Variants in GSDMC observed in about 807,000 individuals in gnomAD.
The protein encoded by GSDMC is gasdermin-C.
GSDMC carries 59 observed loss-of-function variants against 58.0 expected under a neutral mutation model. The observed-to-expected ratio is 1.02, with a 90% CI of 0.82 to 1.26. The LOEUF is 1.26. GSDMC is among the 50% of genes most tolerant of loss of function. The probability of loss-of-function intolerance (pLI) is 0.00; values close to 1 mark genes in which losing one functional copy is unlikely to be tolerated. For synonymous variants in GSDMC, 241 were observed against 220.2 expected (o/e 1.09, Z -0.83); for missense variants, 659 against 598.5 (o/e 1.10, Z -1.06).
chr8:129,728,069 C>T, the GSDMC span, among the ~76,000 whole-genome samples: 3,783 of 152,150 alleles, frequency 0.025, 64 homozygotes, highest in Middle Eastern at 0.14. Context: ...GCCTAAGCTG[C>T]CCCATCCATC....
Position 129,779,994 on chromosome 8 carries a change from C to T in GSDMC, c.-4-2403G>A, listed in dbSNP as rs375341749. ...AAATACATTGACCTACAGAAGAATG[C>T]ATCAGCATCTCTTAATAACAGAATT... On this transcript the variant is annotated intron_variant, in intron 1 of 13. Transcript: ENST00000276708. Among the ~76,000 whole-genome samples the T allele has an allele frequency of 2.8e-4, 42 of 152,216 alleles. No homozygotes were observed. In the East Asian group the frequency reaches 7.9e-3, roughly 29 times the overall value.
the GSDMC span, among the ~76,000 whole-genome samples, chr8:129,716,602 C>G: frequency 2.6e-5 from 4 of 152,070 alleles, no homozygotes; most frequent in Non-Finnish European, 5.9e-5. Flanking sequence ...ATTTAAATAC[C>G]CTTTATTTCT....
At chr8:129,707,419 C>T in the GSDMC span, among the ~76,000 whole-genome samples, 4,485 of 152,084 alleles carry the variant, frequency 0.029, 72 homozygotes, top group Middle Eastern at 0.15. Context: ...TTCAGTTAGG[C>T]ATGGTGAGGG....
chr8:129,773,305 C>G (rs774093628), intron 3 of GSDMC, among the ~76,000 whole-genome samples: 1 of 151,854 alleles, frequency 6.6e-6, no homozygotes, highest in Non-Finnish European at 1.5e-5. Flanking sequence ...ATAAAAGGAG[C>G]CTAATAGGAA....
At chr8:129,730,024 G>A in the GSDMC span, 3 of 1,332,116 alleles carry the variant, frequency 2.3e-6, no homozygotes, top group South Asian at 3.9e-5. Context: ...AGAAGAAAAA[G>A]GATGAGAAGG....
chr8:129,712,066 G>T, the GSDMC span, among the ~76,000 whole-genome samples: 3,454 of 152,160 alleles, frequency 0.023, 138 homozygotes, highest in African/African-American at 0.077. Flanking sequence ...AGGCCTGCCT[G>T]GGCACCATAG....
At chr8:129,771,633 A>C (rs949239789) in intron 3 of GSDMC, among the ~76,000 whole-genome samples, 2 of 152,154 alleles carry the variant, frequency 1.3e-5, no homozygotes, top group African/African-American at 4.8e-5. Flanking sequence ...ACAACATATC[A>C]AAACTTATGG....
At chr8:129,762,350 C>G (rs1439193411) in intron 5 of GSDMC, among the ~76,000 whole-genome samples, 4 of 152,122 alleles carry the variant, frequency 2.6e-5, no homozygotes, top group African/African-American at 9.7e-5. Context: ...TTGCCCAGAG[C>G]TAACAACACT....
At chr8:129,745,909 A>G (rs1414153782), downstream of GSDMC, among the ~76,000 whole-genome samples, 1 of 119,534 alleles carries the variant, frequency 8.4e-6, no homozygotes, top group Admixed American at 8.6e-5. Flanking sequence ...TCTACATGCC[A>G]TGACCTTAAG....
rs1452758944 is a variant in GSDMC at position 129,765,700 on chromosome 8, G to T, written c.498C>A (p.Asn166Lys). ...YVVTEAVELI[N>K]NTVLYDSSSV... The stretch of plus-strand genomic sequence containing the variant: ...TACTGCTATCGTACAGCACAGTATT[G>T]TTGATCAGTTCAACAGCCTCTGTCA... The change falls in exon 4 of 14, where the codon AAC (asparagine) becomes AAA (lysine). Residue 166 changes from asparagine (N) to lysine (K), a missense_variant. Physicochemically the swap from Asn to Lys is moderately conservative, Grantham distance 94. Transcript: ENST00000276708. The T allele has an allele frequency of 6.2e-7, 1 of 1,612,450 alleles. No individual in the cohort carries two copies. Among genetic ancestry groups the T allele is most frequent in the Non-Finnish European group, 8.5e-7 (1 of 1,178,482 alleles).
chr8:129,783,935 C>G (rs2034486335), intron 1 of GSDMC, among the ~76,000 whole-genome samples: 1 of 152,088 alleles, frequency 6.6e-6, no homozygotes, highest in African/African-American at 2.4e-5. Context: ...AGAAACAAAT[C>G]CATATACCTA....
intron 1 of GSDMC, among the ~76,000 whole-genome samples, chr8:129,778,275 G>A (rs1305581210): frequency 6.6e-6 from 1 of 152,150 alleles, no homozygotes; most frequent in African/African-American, 2.4e-5. Flanking sequence ...TGGAATATGT[G>A]AGGTGGAAAG....
rs1258390836 is a variant in GSDMC, at chr8:129,752,971, C to T, written c.722-151G>A. On this transcript the variant is annotated intron_variant, in intron 6 of 13. Transcript: ENST00000276708. The stretch of plus-strand genomic sequence containing the variant: ...CAAGACCCACTCAAAGAGGAATTGC[C>T]CATTCCTTCTTTCAGAACTCAAGTT... The T allele has an allele frequency of 6.7e-6, 9 of 1,347,144 alleles. No individual in the cohort carries two copies. In the South Asian group the frequency reaches 7.5e-5, roughly 11 times the overall value. 83.4% of individuals were successfully genotyped at this position (1,347,144 alleles called of 1,614,324 possible). A position where few individuals can be genotyped will look rare whatever the true frequency, so the allele number is the denominator to read the frequency against.
intron 1 of GSDMC, among the ~76,000 whole-genome samples, chr8:129,782,710 G>A (rs1473219669): frequency 2.0e-5 from 3 of 152,060 alleles, no homozygotes; most frequent in Non-Finnish European, 4.4e-5. Flanking sequence ...GATCAAGGCT[G>A]TAATAAAAAG....
intron 1 of GSDMC, among the ~76,000 whole-genome samples, chr8:129,781,516 G>A (rs1357598042): frequency 1.3e-5 from 2 of 152,070 alleles, no homozygotes; most frequent in East Asian, 3.9e-4. Flanking sequence ...AGGCCGAGAC[G>A]GGCAGATCAC....
At position 129,748,480 on chromosome 8, in the gene GSDMC, T is replaced by C. The variant is rs2033026420; in HGVS notation, c.*21A>G. 1.9e-6 allele frequency: 3 copies of C among 1,585,764 alleles called. No individual in the cohort carries two copies. The African/African-American group carries it at 4.0e-5, about 21-fold the overall frequency. On this transcript the variant is annotated 3_prime_UTR_variant, in exon 14 of 14. Coordinates refer to ENST00000276708, the MANE Select transcript of GSDMC (RefSeq NM_031415.3). Reference sequence around the variant, plus strand: ...TGGGCGAGGGCCAGCATCTCTGGACTGACTGCCCATCAGGGAGGGCTTAGG... The same window carrying C: ...TGGGCGAGGGCCAGCATCTCTGGACCGACTGCCCATCAGGGAGGGCTTAGG...
chr8:129,724,201 C>G, the GSDMC span, among the ~76,000 whole-genome samples: 3 of 152,170 alleles, frequency 2.0e-5, no homozygotes, highest in African/African-American at 7.2e-5. Context: ...GATCCTCCAG[C>G]CTCAATTAAG....
intron 3 of GSDMC, among the ~76,000 whole-genome samples, chr8:129,766,345 T>C (rs1201334130): frequency 6.6e-6 from 1 of 152,196 alleles, no homozygotes; most frequent in African/African-American, 2.4e-5. Flanking sequence ...CAGGGATATA[T>C]GAATGGTTTG....
intron 3 of GSDMC, among the ~76,000 whole-genome samples, chr8:129,773,705 G>A (rs2130528528): frequency 6.7e-6 from 1 of 149,824 alleles, no homozygotes; most frequent in Admixed American, 6.7e-5. Context: ...AGAATTGCTT[G>A]AACCTGGGAG....
Sources: allele counts gnomAD v4.1 joint callset (sites outside exome capture counted in the v4.1 genomes callset), GRCh38; gene constraint gnomAD v4.1.1; transcripts MANE v1.5; gene names NCBI Gene and HGNC (gene_info 2026-07-23, HGNC 2026-07-21).